Variants in SLC4A4 observed in about 807,000 individuals in gnomAD.
SLC4A4 encodes the protein solute carrier family 4 member 4.
A neutral mutation model predicts 111.5 loss-of-function variants in SLC4A4; 27 were observed. That is an observed-to-expected ratio of 0.24 (90% CI 0.18 to 0.33). The LOEUF is 0.33. Ranked by LOEUF, SLC4A4 falls within the 10% of genes least tolerant of loss-of-function variation. The probability of loss-of-function intolerance (pLI) is 1.00; values close to 1 mark genes in which losing one functional copy is unlikely to be tolerated. For missense variants in SLC4A4, 909 were observed against 1,315.5 expected (o/e 0.69, Z 4.78); for synonymous variants, 443 against 463.4 (o/e 0.96, Z 0.57).
chr4:71,233,835 C>A (rs1719611973), intron 1 of SLC4A4, among the ~76,000 whole-genome samples: 1 of 152,064 alleles, frequency 6.6e-6, no homozygotes, highest in South Asian at 2.1e-4. Flanking sequence ...CACATAGCAG[C>A]CAGGGTAATC....
intron 14 of SLC4A4, among the ~76,000 whole-genome samples, chr4:71,480,020 CTTTTTTT>C (rs34425929): frequency 1.6e-5 from 2 of 127,414 alleles, no homozygotes. Context: ...ATATGCCCAT[CTTTTTTT>C]TTTTTTTTTT....
intron 1 of SLC4A4, among the ~76,000 whole-genome samples, chr4:71,191,094 G>A (rs1745714047): frequency 6.6e-6 from 1 of 152,206 alleles, no homozygotes; most frequent in Non-Finnish European, 1.5e-5. Context: ...AGATGATTTT[G>A]CCTAGTAGGC....
At chr4:71,434,171 G>C (rs1352642211) in intron 7 of SLC4A4, among the ~76,000 whole-genome samples, 1 of 151,964 alleles carries the variant, frequency 6.6e-6, no homozygotes, top group Non-Finnish European at 1.5e-5. Flanking sequence ...GGTGTGGGAT[G>C]TTTTTTCTTT....
chr4:71,227,947 C>T (rs1719158454), intron 1 of SLC4A4, among the ~76,000 whole-genome samples: 1 of 152,148 alleles, frequency 6.6e-6, no homozygotes, highest in Middle Eastern at 3.2e-3. Context: ...CTGTATTCTA[C>T]AATGGAACTC....
At chr4:71,520,256 T>C (rs998086869) in intron 16 of SLC4A4, among the ~76,000 whole-genome samples, 1 of 152,230 alleles carries the variant, frequency 6.6e-6, no homozygotes, top group African/African-American at 2.4e-5. Context: ...CATTCTCCTT[T>C]AGCTTACACA....
chr4:71,299,936 A>T (rs1028553078), intron 3 of SLC4A4, among the ~76,000 whole-genome samples: 1 of 152,194 alleles, frequency 6.6e-6, no homozygotes, highest in Admixed American at 6.5e-5. Flanking sequence ...AACTGCTTTC[A>T]TGCAGGATGA....
chr4:71,133,771 T>C (rs1003920976), intron 2 of SLC4A4, among the ~76,000 whole-genome samples: 1 of 152,216 alleles, frequency 6.6e-6, no homozygotes, highest in African/African-American at 2.4e-5. Flanking sequence ...CTGATTCTTA[T>C]GGCTGTCGCT....
At position 71,349,785 on chromosome 4, in the gene SLC4A4, A is replaced by G. The variant is rs550328087; in HGVS notation, c.390-127A>G. On this transcript the variant is annotated intron_variant, in intron 4 of 25. Coordinates refer to ENST00000264485, the MANE Select transcript of SLC4A4 (RefSeq NM_001098484.3). Reference sequence around the variant, plus strand: ...TATGTAATTAATGATCTAATAAGCTATTAATACTCCACAAAAAGAGACATT... The same window carrying G: ...TATGTAATTAATGATCTAATAAGCTGTTAATACTCCACAAAAAGAGACATT... 1.5e-5 allele frequency: 12 copies of G among 807,510 alleles called. No individual in the cohort carries two copies. The South Asian group carries it at 1.6e-4, about 11-fold the overall frequency. The allele number at this position is 807,510 out of a possible 1,614,324, so 50.0% of individuals were successfully genotyped here.
chr4:71,352,738 A>G (rs1429345556), intron 5 of SLC4A4, among the ~76,000 whole-genome samples: 1 of 152,236 alleles, frequency 6.6e-6, no homozygotes, highest in African/African-American at 2.4e-5. Context: ...CTATCCCAGT[A>G]TGAATAGTTT....
intron 2 of SLC4A4, among the ~76,000 whole-genome samples, chr4:71,247,983 T>C (rs1720800248): frequency 6.6e-6 from 1 of 152,194 alleles, no homozygotes; most frequent in African/African-American, 2.4e-5. Context: ...GGGGAAACTT[T>C]GCCCAAATCA....
chr4:71,453,421 A>T, intron 11 of SLC4A4, 74 bp from the exon 12 acceptor site: 1 of 1,396,684 alleles, frequency 7.2e-7, no homozygotes, highest in Non-Finnish European at 1.0e-6. Context: ...TGTTTGATTT[A>T]ATGAGTTACC....
intron 2 of SLC4A4, among the ~76,000 whole-genome samples, chr4:71,094,777 C>T (rs746051538): frequency 9.3e-5 from 14 of 150,694 alleles, no homozygotes; most frequent in Non-Finnish European, 1.5e-4. Flanking sequence ...GTGTGGTTCA[C>T]GAGTCCTCAT....
chr4:71,443,116 C>CTCTCTCTCTCTATA (rs1198759861), intron 8 of SLC4A4, among the ~76,000 whole-genome samples: 30 of 65,650 alleles, frequency 4.6e-4, no homozygotes, highest in African/African-American at 1.7e-3. Flanking sequence ...CTCTCTCTCT[C>CTCTCTCTCTCTATA]TATATATATA....
At chr4:71,480,061 A>T (rs1451520199) in intron 14 of SLC4A4, among the ~76,000 whole-genome samples, 1 of 139,248 alleles carries the variant, frequency 7.2e-6, no homozygotes, top group African/African-American at 2.7e-5. Context: ...TTACTCTTTC[A>T]CCCAAACTGG....
At chr4:71,116,807 A>T (rs2148954455) in intron 2 of SLC4A4, among the ~76,000 whole-genome samples, 1 of 152,240 alleles carries the variant, frequency 6.6e-6, no homozygotes, top group South Asian at 2.1e-4. Flanking sequence ...GTTGGGCATG[A>T]TGGCACATGC....
intron 6 of SLC4A4, among the ~76,000 whole-genome samples, chr4:71,393,842 A>G (rs1241600341): frequency 6.6e-6 from 1 of 152,152 alleles, no homozygotes; most frequent in Non-Finnish European, 1.5e-5. Context: ...AGAATAGAGA[A>G]CCCAGAAATA....
intron 2 of SLC4A4, among the ~76,000 whole-genome samples, chr4:71,125,606 G>C (rs2148958933): frequency 6.6e-6 from 1 of 152,258 alleles, no homozygotes; most frequent in African/African-American, 2.4e-5. Flanking sequence ...TTGGCCAAAA[G>C]ATTCAAAATT....
chr4:71,355,793 G>A (rs1237995602), intron 5 of SLC4A4, among the ~76,000 whole-genome samples: 1 of 152,226 alleles, frequency 6.6e-6, no homozygotes, highest in African/African-American at 2.4e-5. Flanking sequence ...ACAAAGAAGT[G>A]GGAATCCTTG....
chr4:71,543,533 C>A (rs1735249486), intron 18 of SLC4A4, among the ~76,000 whole-genome samples: 1 of 152,060 alleles, frequency 6.6e-6, no homozygotes, highest in Non-Finnish European at 1.5e-5. Flanking sequence ...CTAAAATCTT[C>A]ATTTCACCCT....
Sources: gnomAD v4.1 joint callset for allele counts (sites outside exome capture counted in the v4.1 genomes callset) on GRCh38, gnomAD v4.1.1 for gene constraint, MANE v1.5 for transcripts, NCBI Gene and HGNC (gene_info 2026-07-23, HGNC 2026-07-21) for gene names.